The following NAA40 variants were observed in gnomAD, a reference collection of about 807,000 sequenced individuals.
The protein encoded by NAA40 is N-alpha-acetyltransferase 40.
In NAA40, 26 loss-of-function variants were observed where a neutral mutation model predicts 36.6. That is an observed-to-expected ratio of 0.71 (90% CI 0.52 to 0.98). The LOEUF is 0.98. Among genes scored for constraint, NAA40 ranks in the 50% least tolerant of loss-of-function variants. The pLI, the probability that NAA40 is intolerant of heterozygous loss-of-function variation, is 0.00. For missense variants in NAA40, 237 were observed against 306.5 expected (o/e 0.77, Z 1.69); for synonymous variants, 129 against 108.4 (o/e 1.19, Z -1.18).
intron 1 of NAA40, among the ~76,000 whole-genome samples, chr11:63,942,899 G>A (rs1398953954): frequency 6.6e-6 from 1 of 152,222 alleles, no homozygotes; most frequent in Admixed American, 6.5e-5. Flanking sequence ...AAATCTACTA[G>A]AGGCCCGGCT....
Position 63,956,309 on chromosome 11 carries a change from TTGTCTCTGGTCCC to T in NAA40, c.*1839_*1851del, listed in dbSNP as rs1942364621. ...CACAGGAGCATGTTTAGGAAGAGATTTGTCTCTGGTCCCTGTCTCTGAAAGGACACAGATGCTA... is the reference window on the plus strand; with the variant it reads ...CACAGGAGCATGTTTAGGAAGAGATTTGTCTCTGAAAGGACACAGATGCTA... On this transcript the variant is annotated 3_prime_UTR_variant, in exon 8 of 8. Transcript: ENST00000377793. 1 of 152,632 alleles carries T rather than the reference TTGTCTCTGGTCCC, an allele frequency of 6.6e-6. No homozygotes were observed. The highest frequency in any genetic ancestry group is 1.5e-5 in the Non-Finnish European group (1 of 68,044). The allele number at this position is 152,632 out of a possible 1,614,324, so 9.5% of individuals were successfully genotyped here.
At chr11:63,954,312 AC>A in intron 7 of NAA40, 25 bp from the exon 8 acceptor site, 1 of 1,564,570 alleles carries the variant, frequency 6.4e-7, no homozygotes, top group Non-Finnish European at 8.7e-7. Flanking sequence ...CCTGCCACCA[AC>A]CCTTTTCTCC....
In NAA40 at chr11:63,955,981, C is replaced by T. The variant is rs1335070848; in HGVS notation, c.*1502C>T. On this transcript the variant is annotated 3_prime_UTR_variant, in exon 8 of 8. Coordinates refer to ENST00000377793, the MANE Select transcript of NAA40 (RefSeq NM_024771.4). ...CTCACATCCCACCCTCTGCCCAACT[C>T]TGGCAGTCTCTCCTGGCAGATCTCC... is the stretch of plus-strand genomic sequence containing the variant. The T allele has an allele frequency of 6.6e-6, 1 of 152,614 alleles. No individual in the cohort carries two copies. The highest frequency in any genetic ancestry group is 1.5e-5 in the Non-Finnish European group (1 of 68,112). The allele number at this position is 152,614 out of a possible 1,614,324, so 9.5% of individuals were successfully genotyped here. A position where few individuals can be genotyped will look rare whatever the true frequency, so the allele number is the denominator to read the frequency against.
chr11:63,942,238 T>C (rs1487730513), intron 1 of NAA40, among the ~76,000 whole-genome samples: 1 of 152,216 alleles, frequency 6.6e-6, no homozygotes. Context: ...TGCAAGTTCC[T>C]TAACTCTCTG....
chr11:63,942,498 G>A (rs1197365661), intron 1 of NAA40, among the ~76,000 whole-genome samples: 2 of 152,218 alleles, frequency 1.3e-5, no homozygotes, highest in African/African-American at 2.4e-5. Context: ...CAGCTAGTAA[G>A]TGAAAGAGCT....
chr11:63,956,879 A>G lies in NAA40; in HGVS notation c.*2400A>G, dbSNP rs1402498532. 6.6e-6 allele frequency: 1 copy of G among 152,028 alleles called. No homozygotes were observed. Among genetic ancestry groups the G allele is most frequent in the Non-Finnish European group, 1.5e-5 (1 of 68,038 alleles). The allele number at this position is 152,028 out of a possible 1,614,324, so 9.4% of individuals were successfully genotyped here. A position where few individuals can be genotyped will look rare whatever the true frequency, so the allele number is the denominator to read the frequency against. On this transcript the variant is annotated 3_prime_UTR_variant, in exon 8 of 8. Transcript: ENST00000377793. ...TCCCAGCTACTCGGGAGGCTGAGGCAGGAGACTCGCTTGAACCCAGGAGGT... is the reference window on the plus strand; with the variant it reads ...TCCCAGCTACTCGGGAGGCTGAGGCGGGAGACTCGCTTGAACCCAGGAGGT...
chr11:63,954,102 C>T lies in NAA40; in HGVS notation c.572+53C>T, dbSNP rs1942324746. 1.9e-6 allele frequency: 3 copies of T among 1,572,744 alleles called. No homozygotes were observed. The South Asian group carries it at 3.3e-5, about 17-fold the overall frequency. On this transcript the variant is annotated intron_variant, in intron 7 of 7. Transcript: ENST00000377793. Reference sequence around the variant, plus strand: ...GGTGGTAGGTGGGCCTGCCCAGGGCCATTTTTCTGGTCCTGGCCCTCACTC... The same window carrying T: ...GGTGGTAGGTGGGCCTGCCCAGGGCTATTTTTCTGGTCCTGGCCCTCACTC...
chr11:63,945,964 C>T (rs750393704), intron 2 of NAA40, 29 bp downstream of exon 2: 1 of 1,563,170 alleles, frequency 6.4e-7, no homozygotes, highest in Non-Finnish European at 8.8e-7. Flanking sequence ...CCAGTCCCTG[C>T]CTCCTGGGAC....
intron 3 of NAA40, among the ~76,000 whole-genome samples, chr11:63,951,479 G>C (rs1942278536): frequency 6.6e-6 from 1 of 152,176 alleles, no homozygotes; most frequent in Admixed American, 6.6e-5. Context: ...GAGTAGCTGG[G>C]ATTACAGGCA....
chr11:63,951,242 A>C (rs1226434715), intron 3 of NAA40, among the ~76,000 whole-genome samples: 1 of 152,240 alleles, frequency 6.6e-6, no homozygotes. Context: ...CAAGGAGTTT[A>C]ACTGTTTTTT....
In NAA40 at chr11:63,946,587, G is replaced by C. The variant is rs1049416279; in HGVS notation, c.103-364G>C. 8.0e-6 allele frequency: 10 copies of C among 1,244,894 alleles called. No homozygotes were observed. In the African/African-American group the frequency reaches 1.1e-4, roughly 13 times the overall value. 77.1% of individuals were successfully genotyped at this position (1,244,894 alleles called of 1,614,324 possible). A position where few individuals can be genotyped will look rare whatever the true frequency, so the allele number is the denominator to read the frequency against. On this transcript the variant is annotated intron_variant, in intron 2 of 7. Coordinates refer to ENST00000377793, the MANE Select transcript of NAA40 (RefSeq NM_024771.4). ...CACTCATTTATAAGGATGTGGCTCAGGGGCTTGATTTTCCATTTGGAGTTG... is the reference window on the plus strand; with the variant it reads ...CACTCATTTATAAGGATGTGGCTCACGGGCTTGATTTTCCATTTGGAGTTG...
intron 3 of NAA40, among the ~76,000 whole-genome samples, chr11:63,950,399 G>C (rs555903060): frequency 6.5e-4 from 99 of 152,216 alleles, no homozygotes; most frequent in African/African-American, 2.3e-3. Context: ...GATTGTAGGC[G>C]TGAGCCACTG....
chr11:63,947,155 C>A, intron 3 of NAA40, 152 bp downstream of exon 3: 3 of 797,254 alleles, frequency 3.8e-6, no homozygotes, highest in Non-Finnish European at 4.1e-6. Context: ...GCCTGTAATC[C>A]AAGCACTTTG....
rs549363738 is a variant in NAA40 at position 63,939,009 on chromosome 11, C to T, written c.-88C>T. ...CATGCGCGTTGCAGGGCCGTCCGCT[C>T]TGCTGCCGCCGCTGTTGCAGCCACC... On this transcript the variant is annotated 5_prime_UTR_variant, in exon 1 of 8. Transcript: ENST00000377793. 1.2e-4 allele frequency: 158 copies of T among 1,336,252 alleles called. No homozygotes were observed. In the South Asian group the frequency reaches 1.9e-3, roughly 16 times the overall value. 82.8% of individuals were successfully genotyped at this position (1,336,252 alleles called of 1,614,324 possible). A position where few individuals can be genotyped will look rare whatever the true frequency, so the allele number is the denominator to read the frequency against.
At chr11:63,945,778 G>A in intron 1 of NAA40, 62 bp from the exon 2 acceptor site, 2 of 1,451,818 alleles carry the variant, frequency 1.4e-6, no homozygotes, top group Middle Eastern at 1.8e-4. Flanking sequence ...ATTCCTTAAA[G>A]GGAAAGTCAG....
intron 6 of NAA40, 104 bp from the exon 7 acceptor site, chr11:63,953,868 G>A: frequency 1.1e-6 from 1 of 935,404 alleles, no homozygotes; most frequent in Non-Finnish European, 1.7e-6. Flanking sequence ...GGGCTCAAAT[G>A]ATCCTCCCAC....
Position 63,954,386 on chromosome 11 carries a change from G to A in NAA40, c.621G>A (p.Glu207=). The change falls in exon 8 of 8, where the codon GAG becomes GAA. Residue 207 remains glutamate, a synonymous_variant. Coordinates refer to ENST00000377793, the MANE Select transcript of NAA40 (RefSeq NM_024771.4). ...SSPSMSGCCG[E]DCSYEILSRR... Reference sequence around the variant, plus strand: ...CCAGCATGTCCGGTTGCTGTGGGGAGGATTGCTCCTATGAGATCCTGAGCC... The same window carrying A: ...CCAGCATGTCCGGTTGCTGTGGGGAAGATTGCTCCTATGAGATCCTGAGCC... 6.2e-7 allele frequency: 1 copy of A among 1,612,564 alleles called. No homozygotes were observed. The highest frequency in any genetic ancestry group is 1.3e-5 in the African/African-American group (1 of 74,968).
intron 3 of NAA40, 70 bp from the exon 4 acceptor site, chr11:63,952,168 G>A (rs1421360199): frequency 5.0e-6 from 6 of 1,210,720 alleles, no homozygotes; most frequent in Non-Finnish European, 4.7e-6. Context: ...CTGTGATTCT[G>A]AGGGAGGAAC....
chr11:63,939,435 T>C (rs1942070803), intron 1 of NAA40: 4 of 1,108,218 alleles, frequency 3.6e-6, no homozygotes, highest in Non-Finnish European at 4.4e-6. Context: ...CCAGGGTCAC[T>C]CATCACCTGG....
Sources: gnomAD v4.1 joint callset for allele counts (sites outside exome capture counted in the v4.1 genomes callset) on GRCh38, gnomAD v4.1.1 for gene constraint, MANE v1.5 for transcripts, NCBI Gene and HGNC (gene_info 2026-07-23, HGNC 2026-07-21) for gene names.